FHAD1: variants seen among roughly 807,000 people sequenced by gnomAD.
FHAD1 encodes forkhead associated phosphopeptide binding domain 1, also known as forkhead-associated domain-containing protein 1.
A neutral mutation model predicts 191.3 loss-of-function variants in FHAD1; 146 were observed. That is an observed-to-expected ratio of 0.76 (90% confidence interval 0.67 to 0.88). The LOEUF (loss-of-function observed/expected upper bound fraction) is 0.88. Ranked by LOEUF, FHAD1 falls within the 40% of genes least tolerant of loss-of-function variation. The probability of loss-of-function intolerance (pLI) is 0.00; values close to 1 mark genes in which losing one functional copy is unlikely to be tolerated. For missense variants in FHAD1, 1,635 were observed against 1,785.8 expected, an observed-to-expected ratio of 0.92 and a Z score of 1.52; for synonymous variants, 616 against 672.3, an observed-to-expected ratio of 0.92 and a Z score of 1.29.
intron 27 of FHAD1, among the ~76,000 whole-genome samples, chr1:15,374,848 GTTTTTT>G (rs1240141194): frequency 9.3e-6 from 1 of 107,654 alleles, no homozygotes; most frequent in Admixed American, 8.4e-5. Flanking sequence ...ACTATTGTAC[GTTTTTT>G]TTTTTGTTTG....
intron 32 of FHAD1, chr1:15,388,374 C>A (rs377673502): frequency 5.6e-6 from 7 of 1,247,388 alleles, no homozygotes; most frequent in African/African-American, 1.7e-5. Context: ...GCAGTTTGAA[C>A]GGATGACCTA....
Position 15,375,628 on chromosome 1 carries a change from A to T in FHAD1, c.3603A>T (p.Ser1201=). The change falls in exon 28 of 34, where the codon TCA becomes TCT. Residue 1201 remains serine (S), a synonymous_variant. Coordinates refer to ENST00000688493, the MANE Select transcript of FHAD1 (RefSeq NM_001391957.1). ...ATCATAAAGACCACCAGAATGAATC[A>T]TTTCTAGATTTAAAGAACCTCAGAA... ...SPDHKDHQNE[S]FLDLKNLRME... 2 of 1,540,230 alleles carry T rather than the reference A, an allele frequency of 1.3e-6. No homozygotes were observed.
intron 33 of FHAD1, among the ~76,000 whole-genome samples, chr1:15,394,978 C>CG (rs113431847): frequency 1.3e-5 from 2 of 151,888 alleles, no homozygotes; most frequent in South Asian, 4.1e-4. Flanking sequence ...AGGGGCAGGG[C>CG]GGGGGGCTTT....
At chr1:15,257,898 G>A (rs1211884490) in intron 2 of FHAD1, among the ~76,000 whole-genome samples, 1 of 152,198 alleles carries the variant, frequency 6.6e-6, no homozygotes, top group Non-Finnish European at 1.5e-5. Flanking sequence ...CTGGAGTGCG[G>A]TGGCACAATC....
chr1:15,290,564 C>A lies in FHAD1; in HGVS notation c.568+898C>A, dbSNP rs920991667. Among the ~76,000 whole-genome samples, 29 of 152,272 alleles carry A rather than the reference C, an allele frequency of 1.9e-4. 1 individual carries two copies. The highest frequency in any genetic ancestry group is 1.4e-3 in the Admixed American group (21 of 15,286). On this transcript the variant is annotated intron_variant, in intron 4 of 33. Transcript: ENST00000688493. ...TCATTATTACTGTGACATACGCAAG[C>A]TGAAGAGTAAAGGCCATGTGTCTCC...
chr1:15,265,970 C>CA (rs531702447), intron 2 of FHAD1, among the ~76,000 whole-genome samples: 13,922 of 78,594 alleles, frequency 0.18, 2,015 homozygotes, highest in Non-Finnish European at 0.23. Context: ...GACTCCATCT[C>CA]AAAAAAAAAA....
chr1:15,340,315 G>C (rs1040651187), intron 15 of FHAD1, among the ~76,000 whole-genome samples: 1 of 152,176 alleles, frequency 6.6e-6, no homozygotes, highest in Admixed American at 6.5e-5. Context: ...AAACTTCAGC[G>C]GCATTCAGCA....
chr1:15,328,109 C>T (rs937852292), intron 12 of FHAD1, 168 bp from the exon 13 acceptor site: 14 of 420,556 alleles, frequency 3.3e-5, no homozygotes, highest in African/African-American at 6.2e-5. Context: ...ACAGGACCAA[C>T]GTCCCCCTTG....
At chr1:15,328,990 C>T (rs1027670555) in intron 13 of FHAD1, 14 of 173,348 alleles carry the variant, frequency 8.1e-5, no homozygotes, top group Non-Finnish European at 9.8e-5. Context: ...CAGGAAACCA[C>T]GCTTTCCGAC....
At chr1:15,298,630 T>C (rs1189663382) in intron 5 of FHAD1, among the ~76,000 whole-genome samples, 2 of 152,144 alleles carry the variant, frequency 1.3e-5, no homozygotes, top group African/African-American at 2.4e-5. Flanking sequence ...CCCAATATCA[T>C]GTCTATCACT....
intron 20 of FHAD1, among the ~76,000 whole-genome samples, chr1:15,356,600 A>G (rs1168132855): frequency 2.0e-5 from 3 of 152,206 alleles, no homozygotes; most frequent in Non-Finnish European, 4.4e-5. Flanking sequence ...GGCCAGGCAC[A>G]GTGACTCACG....
intron 14 of FHAD1, among the ~76,000 whole-genome samples, chr1:15,337,980 CCT>C (rs1684956626): frequency 2.0e-5 from 3 of 152,112 alleles, no homozygotes; most frequent in African/African-American, 7.2e-5. Context: ...AATCAAGTTT[CCT>C]CTCTCAAGCC....
rs1674648690 is a variant in FHAD1, at chr1:15,316,980, G to T, written c.1260+513G>T. Among the ~76,000 whole-genome samples the T allele has an allele frequency of 6.6e-6, 1 of 152,206 alleles. No individual in the cohort carries two copies. Among genetic ancestry groups the T allele is most frequent in the African/African-American group, 2.4e-5 (1 of 41,460 alleles). ...GTGGGTGGATTGCCTGAGCTCAGAG[G>T]TTCTAGACCAGCCTGGGGAACACGG... is the stretch of plus-strand genomic sequence containing the variant. On this transcript the variant is annotated intron_variant, in intron 9 of 33. Transcript: ENST00000688493. This position sits in a 1 kb window ranked among gnomAD's most constrained non-coding sequence, Gnocchi z 4.3.
At chr1:15,377,831 CA>C (rs879304101) in intron 28 of FHAD1, among the ~76,000 whole-genome samples, 304 of 135,130 alleles carry the variant, frequency 2.2e-3, no homozygotes, top group Non-Finnish European at 3.8e-3. Flanking sequence ...GACTTTGTCT[CA>C]AAAAAAAAAA....
At chr1:15,293,689 G>C (rs898811152) in intron 4 of FHAD1, among the ~76,000 whole-genome samples, 3 of 152,176 alleles carry the variant, frequency 2.0e-5, no homozygotes, top group African/African-American at 4.8e-5. Context: ...CTGCACTCCA[G>C]CCTGGGCGGA....
rs756500902 is a variant in FHAD1 at position 15,289,709 on chromosome 1, G to A, written c.568+43G>A. 2.5e-5 allele frequency: 38 copies of A among 1,517,976 alleles called. No individual in the cohort carries two copies. Among genetic ancestry groups the A allele is most frequent in the African/African-American group, 4.1e-5 (3 of 72,442 alleles). The allele number at this position is 1,517,976 out of a possible 1,614,324, so 94.0% of individuals were successfully genotyped here. On this transcript the variant is annotated intron_variant, in intron 4 of 33. Transcript: ENST00000688493. The surrounding 1 kb of genome is among the most constrained non-coding windows in gnomAD (Gnocchi z 4.2). The stretch of plus-strand genomic sequence containing the variant: ...CATTGGTGGCTTGGGGGTGGTTCAC[G>A]GCCATGTGGATGGGTCTTGGTTTTG...
chr1:15,287,403 G>C (rs575971106), intron 3 of FHAD1, among the ~76,000 whole-genome samples: 13 of 152,294 alleles, frequency 8.5e-5, no homozygotes, highest in African/African-American at 3.1e-4. Context: ...CCCCAGGGCT[G>C]GGGAGGCCTC....
intron 1 of FHAD1, among the ~76,000 whole-genome samples, chr1:15,238,394 G>A (rs1752026): frequency 0.084 from 12,756 of 152,218 alleles, 681 homozygotes; most frequent in Non-Finnish European, 0.12. Flanking sequence ...GCCTGCTGTT[G>A]ATTGGAAGCA....
At chr1:15,344,703 GA>G (rs1475606865) in intron 16 of FHAD1, among the ~76,000 whole-genome samples, 1 of 152,196 alleles carries the variant, frequency 6.6e-6, no homozygotes, top group East Asian at 1.9e-4. Context: ...GTGGATTCTT[GA>G]ATGTAAGCCT....
Sources: allele counts gnomAD v4.1 joint callset (sites outside exome capture counted in the v4.1 genomes callset), GRCh38; gene constraint gnomAD v4.1.1; non-coding constraint Gnocchi (gnomAD v3.1); transcripts MANE v1.5; gene names NCBI Gene and HGNC (gene_info 2026-07-23, HGNC 2026-07-21).